CKAP2L: variants seen among roughly 807,000 people sequenced by gnomAD.
The protein encoded by CKAP2L is cytoskeleton associated protein 2L.
A neutral mutation model predicts 65.7 loss-of-function variants in CKAP2L; 42 were observed. That is an observed-to-expected ratio of 0.64 (90% CI 0.50 to 0.83). CKAP2L has a LOEUF of 0.83. Among genes scored for constraint, CKAP2L ranks in the 40% least tolerant of loss-of-function variants. The pLI, the probability that CKAP2L is intolerant of heterozygous loss-of-function variation, is 0.00. For missense variants in CKAP2L, 908 were observed against 871.0 expected (o/e 1.04, Z -0.53); for synonymous variants, 325 against 313.5 (o/e 1.04, Z -0.39).
At position 112,752,343 on chromosome 2, in the gene CKAP2L, T is replaced by C. The variant is rs1370148929; in HGVS notation, c.1526A>G (p.Glu509Gly). The C allele has an allele frequency of 1.2e-6, 2 of 1,613,856 alleles. No individual in the cohort carries two copies. Among genetic ancestry groups the C allele is most frequent in the Non-Finnish European group, 8.5e-7 (1 of 1,179,792 alleles). The change falls in exon 5 of 9, where the codon GAA becomes GGA. Residue 509 changes from glutamate to glycine, a missense_variant. Glu to Gly is a moderately conservative substitution (Grantham distance 98). Coordinates refer to ENST00000302450, the MANE Select transcript of CKAP2L (RefSeq NM_152515.5). ...CAGTTCGAGTTGTGCTTTCTTTTCT[T>C]CCTCTTCTTTTTCAATGCTCTTCCA... The part of the protein sequence containing the change: ...SFWKSIEKEE[E>G]EKKAQLELSS...
chr2:112,761,444 G>C (rs1680716837), intron 2 of CKAP2L, among the ~76,000 whole-genome samples: 2 of 119,660 alleles, frequency 1.7e-5, no homozygotes, highest in South Asian at 5.9e-4. Context: ...CTGGGCAACA[G>C]AGTGAGACTC....
At position 112,742,289 on chromosome 2, in the gene CKAP2L, C is replaced by A. The variant is rs1680029537; in HGVS notation, c.1822+417G>T. 1.5e-5 allele frequency: 10 copies of A among 686,750 alleles called. No individual in the cohort carries two copies. In the South Asian group the frequency reaches 1.6e-4, roughly 11 times the overall value. 42.5% of individuals were successfully genotyped at this position (686,750 alleles called of 1,614,324 possible). ...GGTTATGACCACTGACAGTGATGGTCATCCAATTGAAGAGATTCCTGAGAT... is the reference window on the plus strand; with the variant it reads ...GGTTATGACCACTGACAGTGATGGTAATCCAATTGAAGAGATTCCTGAGAT... On this transcript the variant is annotated intron_variant, in intron 7 of 8. Coordinates refer to ENST00000302450, the MANE Select transcript of CKAP2L (RefSeq NM_152515.5).
chr2:112,742,514 T>C (rs556798947), intron 7 of CKAP2L, 192 bp downstream of exon 7: 1 of 718,356 alleles, frequency 1.4e-6, no homozygotes, highest in South Asian at 1.5e-5. Flanking sequence ...TTGTTCAGTA[T>C]TGAGTAGTGC....
At chr2:112,745,927 A>G (rs191895385) in intron 6 of CKAP2L, among the ~76,000 whole-genome samples, 19 of 152,302 alleles carry the variant, frequency 1.2e-4, no homozygotes, top group African/African-American at 4.6e-4. Context: ...GTTTTCTGAA[A>G]CTATAGAGGT....
At chr2:112,753,526 CTTTTTTTTT>C (rs59027525) in intron 4 of CKAP2L, among the ~76,000 whole-genome samples, 22 of 100,396 alleles carry the variant, frequency 2.2e-4, no homozygotes, top group Non-Finnish European at 3.1e-4. Flanking sequence ...AGTTTCTTTT[CTTTTTTTTT>C]TTTTTTTTTT....
chr2:112,738,801 T>C lies in CKAP2L; in HGVS notation c.*22A>G, dbSNP rs1393070922. The C allele has an allele frequency of 4.6e-6, 7 of 1,521,736 alleles. No individual in the cohort carries two copies. Among genetic ancestry groups the C allele is most frequent in the Non-Finnish European group, 6.4e-6 (7 of 1,097,248 alleles). 94.3% of individuals were successfully genotyped at this position (1,521,736 alleles called of 1,614,324 possible). On this transcript the variant is annotated 3_prime_UTR_variant, in exon 9 of 9. Coordinates refer to ENST00000302450, the MANE Select transcript of CKAP2L (RefSeq NM_152515.5). Reference sequence around the variant, plus strand: ...TCTTATGTTGGTTCTGAAACACCTTTTTTAAAAAAAGCATCAAGAAATTAT... The same window carrying C: ...TCTTATGTTGGTTCTGAAACACCTTCTTTAAAAAAAGCATCAAGAAATTAT...
chr2:112,759,555 A>C (rs1040918449), intron 3 of CKAP2L, among the ~76,000 whole-genome samples: 5 of 152,170 alleles, frequency 3.3e-5, no homozygotes, highest in Non-Finnish European at 5.9e-5. Flanking sequence ...CAACTTCCAG[A>C]GAAGCCTCTG....
rs1327977708 is a variant in CKAP2L, at chr2:112,742,699, A to G, written c.1822+7T>C. 1.9e-5 allele frequency: 30 copies of G among 1,560,344 alleles called. No homozygotes were observed. The highest frequency in any genetic ancestry group is 2.6e-5 in the Non-Finnish European group (30 of 1,137,426). ...GAAGATGAATTTAAATTCAAAAATA[A>G]TAGTACCTTCTGTGGTTCTGTTTGA... On this transcript the variant is annotated splice_region_variant and intron_variant, in intron 7 of 8. Transcript: ENST00000302450.
rs1218816171 is a variant in CKAP2L at position 112,757,226 on chromosome 2, A to G, written c.157-12T>C. On this transcript the variant is annotated splice_polypyrimidine_tract_variant and intron_variant, in intron 3 of 8. Coordinates refer to ENST00000302450, the MANE Select transcript of CKAP2L (RefSeq NM_152515.5). Reference sequence around the variant, plus strand: ...TTGGGTCTAATAGTCTGAAAAAACAAAGAAAATACATATTAAAAAATCCTT... The same window carrying G: ...TTGGGTCTAATAGTCTGAAAAAACAGAGAAAATACATATTAAAAAATCCTT... 6.5e-7 allele frequency: 1 copy of G among 1,540,394 alleles called. No individual in the cohort carries two copies. Among genetic ancestry groups the G allele is most frequent in the Non-Finnish European group, 8.8e-7 (1 of 1,138,826 alleles).
chr2:112,744,371 A>C (rs1680132330), intron 6 of CKAP2L, among the ~76,000 whole-genome samples: 2 of 152,218 alleles, frequency 1.3e-5, no homozygotes, highest in Admixed American at 1.3e-4. Context: ...GCTAAGAAAC[A>C]ACCTGACAGA....
At chr2:112,742,842 T>TC in intron 6 of CKAP2L, 73 bp from the exon 7 acceptor site, 1 of 935,380 alleles carries the variant, frequency 1.1e-6, no homozygotes, top group Non-Finnish European at 1.7e-6. Flanking sequence ...AACTTTAACT[T>TC]CAAATACATG....
chr2:112,741,172 T>A (rs1225850151), intron 7 of CKAP2L, among the ~76,000 whole-genome samples, 165 bp from the exon 8 acceptor site: 2 of 152,228 alleles, frequency 1.3e-5, no homozygotes, highest in Non-Finnish European at 2.9e-5. Flanking sequence ...AACTTGTTTT[T>A]TCACGTTAAG....
At chr2:112,745,826 T>A (rs907926123) in intron 6 of CKAP2L, among the ~76,000 whole-genome samples, 3 of 152,164 alleles carry the variant, frequency 2.0e-5, no homozygotes, top group Non-Finnish European at 4.4e-5. Context: ...GATCTGTGTA[T>A]GTATGTGTGA....
rs186296114 is a variant in CKAP2L, at chr2:112,747,317, A to C, written c.1603-742T>G. Among the ~76,000 whole-genome samples the C allele has an allele frequency of 3.6e-4, 54 of 151,988 alleles. 1 individual carries two copies. Among genetic ancestry groups the C allele is most frequent in the Admixed American group, 3.1e-3 (47 of 15,254 alleles). On this transcript the variant is annotated intron_variant, in intron 5 of 8. Transcript: ENST00000302450. ...AATAGAAAATGTTTATCATAGCTGA[A>C]GGTAAGAAATATGTTCATTTTTACA...
intron 7 of CKAP2L, among the ~76,000 whole-genome samples, chr2:112,741,863 C>T (rs376639423): frequency 8.6e-5 from 13 of 150,970 alleles, no homozygotes; most frequent in African/African-American, 2.4e-4. Context: ...TGGGTTCAAA[C>T]GATTCTCCTG....
rs372942630 is a variant in CKAP2L, at chr2:112,757,071, G to A, written c.300C>T (p.Gly100=). 2.6e-4 allele frequency: 424 copies of A among 1,614,122 alleles called. No individual in the cohort carries two copies. Among genetic ancestry groups the A allele is most frequent in the Non-Finnish European group, 3.4e-4 (406 of 1,180,014 alleles). The change falls in exon 4 of 9, where the codon GGC becomes GGT. Residue 100 remains glycine, a synonymous_variant. Coordinates refer to ENST00000302450, the MANE Select transcript of CKAP2L (RefSeq NM_152515.5). ...AAACACATTCTGAAGTCAGCCTTTT[G>A]CCCAGAAGTTTTGGTGGCTCCAACT... ...KPKLEPPKLL[G]KRLTSECVSS...
At position 112,760,736 on chromosome 2, in the gene CKAP2L, G is replaced by A. The variant is rs776263736; in HGVS notation, c.133C>T (p.Gln45Ter). The part of the protein sequence containing the change: ...KPYLKSKNNC[Q>*]NQPPSKSTIR... The stretch of plus-strand genomic sequence containing the variant: ...ACAGATTTAGAAGGTGGTTGATTCT[G>A]GCAATTATTCTTGGATTTTAGATAA... Residue 45 changes from glutamine (Q) to a stop codon, truncating the protein, a stop_gained, in exon 3 of 9, where the codon CAG becomes TAG. Coordinates refer to ENST00000302450, the MANE Select transcript of CKAP2L (RefSeq NM_152515.5). LOFTEE classifies it high-confidence loss of function. 1.3e-6 allele frequency: 2 copies of A among 1,511,604 alleles called. No homozygotes were observed. Among genetic ancestry groups the A allele is most frequent in the African/African-American group, 1.4e-5 (1 of 71,358 alleles). The allele number at this position is 1,511,604 out of a possible 1,614,324, so 93.6% of individuals were successfully genotyped here.
At chr2:112,758,084 T>C in intron 3 of CKAP2L, among the ~76,000 whole-genome samples, 1 of 152,218 alleles carries the variant, frequency 6.6e-6, no homozygotes, top group East Asian at 1.9e-4. Flanking sequence ...TCAATAAACA[T>C]GTAACATCTT....
intron 8 of CKAP2L, 110 bp from the exon 9 acceptor site, chr2:112,739,158 G>T: frequency 1.2e-6 from 1 of 848,614 alleles, no homozygotes; most frequent in Non-Finnish European, 1.8e-6. Context: ...TTAACATAGG[G>T]TGATACAAGA....
Sources: gnomAD v4.1 joint callset for allele counts (sites outside exome capture counted in the v4.1 genomes callset) on GRCh38, gnomAD v4.1.1 for gene constraint, MANE v1.5 for transcripts, NCBI Gene and HGNC (gene_info 2026-07-23, HGNC 2026-07-21) for gene names.